WARS2: variants seen among roughly 807,000 people sequenced by gnomAD.
WARS2 encodes the protein tryptophan--tRNA ligase, mitochondrial.
Under a neutral mutation model 36.5 loss-of-function variants are expected in WARS2, and 28 were observed. The observed-to-expected ratio is 0.77, with a 90% CI of 0.57 to 1.05. WARS2 has a LOEUF of 1.05. Ranked by LOEUF, WARS2 falls within the 50% of genes least tolerant of loss-of-function variation. The probability of loss-of-function intolerance (pLI) is 0.00; values close to 1 mark genes in which losing one functional copy is unlikely to be tolerated. For synonymous variants in WARS2, 174 were observed against 178.4 expected (o/e 0.98, Z 0.20); for missense variants, 435 against 456.8 (o/e 0.95, Z 0.44).
chr1:119,044,301 G>C (rs945028869), intron 3 of WARS2, among the ~76,000 whole-genome samples: 2 of 152,158 alleles, frequency 1.3e-5, no homozygotes, highest in Non-Finnish European at 2.9e-5. Context: ...TATACTAGCA[G>C]GAGATCTTTA....
intron 2 of WARS2, among the ~76,000 whole-genome samples, chr1:119,049,657 T>C (rs1649170624): frequency 6.6e-6 from 1 of 152,226 alleles, no homozygotes; most frequent in Non-Finnish European, 1.5e-5. Context: ...AAATCTGCTC[T>C]ATCCACAGCT....
At chr1:119,036,017 C>A (rs964515981) in intron 4 of WARS2, among the ~76,000 whole-genome samples, 2 of 152,052 alleles carry the variant, frequency 1.3e-5, no homozygotes, top group Non-Finnish European at 2.9e-5. Flanking sequence ...CTAGCCTGAC[C>A]AACAAGGCGA....
intron 1 of WARS2, among the ~76,000 whole-genome samples, chr1:119,091,858 T>C (rs1389752563): frequency 3.9e-5 from 6 of 152,344 alleles, no homozygotes; most frequent in Admixed American, 2.0e-4. Context: ...TAGAAGCCGC[T>C]GTGCTGAGGA....
intron 1 of WARS2, among the ~76,000 whole-genome samples, chr1:119,097,003 G>T (rs1195964038): frequency 2.0e-5 from 3 of 152,090 alleles, no homozygotes; most frequent in African/African-American, 7.2e-5. Context: ...ACAGACTTTT[G>T]TTTTGCTGTT....
chr1:119,085,688 G>T (rs1571337579), intron 1 of WARS2: 1 of 1,435,710 alleles, frequency 7.0e-7, no homozygotes, highest in East Asian at 2.3e-5. Context: ...CCAGAATTGT[G>T]CTCCTCTGGT....
intron 5 of WARS2, 91 bp downstream of exon 5, chr1:119,034,004 G>T: frequency 9.1e-7 from 1 of 1,099,678 alleles, no homozygotes; most frequent in Non-Finnish European, 1.4e-6. Context: ...AGAAAGCTGA[G>T]GTTAGTCCCA....
chr1:119,115,394 T>A (rs1654897945), intron 1 of WARS2, among the ~76,000 whole-genome samples: 1 of 152,174 alleles, frequency 6.6e-6, no homozygotes, highest in South Asian at 2.1e-4. Flanking sequence ...ACTGAAAAAA[T>A]AAAACATATT....
intron 2 of WARS2, among the ~76,000 whole-genome samples, chr1:119,070,700 A>G (rs1315350839): frequency 3.3e-5 from 5 of 152,014 alleles, no homozygotes; most frequent in Non-Finnish European, 7.4e-5. Context: ...CTATCACTCC[A>G]CCACTGCACT....
intron 1 of WARS2, among the ~76,000 whole-genome samples, chr1:119,117,172 G>A (rs957445886): frequency 4.6e-5 from 7 of 152,210 alleles, no homozygotes; most frequent in Admixed American, 2.6e-4. Context: ...CCACTTGTCT[G>A]GTGACTTGTA....
At chr1:119,129,012 G>A (rs1655897100) in intron 1 of WARS2, among the ~76,000 whole-genome samples, 1 of 152,180 alleles carries the variant, frequency 6.6e-6, no homozygotes, top group Non-Finnish European at 1.5e-5. Context: ...TCATGTGGAT[G>A]CTGAAACACT....
intron 1 of WARS2, among the ~76,000 whole-genome samples, chr1:119,077,505 A>G (rs1473599531): frequency 6.6e-6 from 1 of 152,164 alleles, no homozygotes; most frequent in Non-Finnish European, 1.5e-5. Flanking sequence ...TTGGTGTATG[A>G]GATCTTGGGC....
chr1:119,078,418 A>G (rs893263543), intron 1 of WARS2, among the ~76,000 whole-genome samples: 1 of 152,178 alleles, frequency 6.6e-6, no homozygotes, highest in Non-Finnish European at 1.5e-5. Context: ...GTACTTCAAT[A>G]TAGTGAACTA....
chr1:119,112,658 A>G (rs1160256884), intron 1 of WARS2, among the ~76,000 whole-genome samples: 1 of 152,216 alleles, frequency 6.6e-6, no homozygotes, highest in African/African-American at 2.4e-5. Flanking sequence ...AAGTGAGAAC[A>G]TTATCTGTCT....
chr1:119,088,770 A>G (rs1652847452), intron 1 of WARS2, among the ~76,000 whole-genome samples: 1 of 152,226 alleles, frequency 6.6e-6, no homozygotes, highest in Non-Finnish European at 1.5e-5. Flanking sequence ...GGATTCAGAA[A>G]GCATATATAG....
At chr1:119,057,294 C>T (rs933766703) in intron 2 of WARS2, among the ~76,000 whole-genome samples, 3 of 151,830 alleles carry the variant, frequency 2.0e-5, no homozygotes. Flanking sequence ...TACAAGTGCA[C>T]ACCACCAAGC....
intron 1 of WARS2, among the ~76,000 whole-genome samples, chr1:119,095,737 C>G (rs1276855027): frequency 6.6e-6 from 1 of 152,138 alleles, no homozygotes; most frequent in Non-Finnish European, 1.5e-5. Flanking sequence ...AGCCAGTAGT[C>G]CAATATATTT....
intron 1 of WARS2, chr1:119,085,047 C>T (rs1315451958): frequency 5.8e-6 from 4 of 689,112 alleles, no homozygotes; most frequent in African/African-American, 1.8e-5. Flanking sequence ...CTCCCGGCAG[C>T]GCTGGGTCCT....
intron 1 of WARS2, among the ~76,000 whole-genome samples, chr1:119,090,705 C>T (rs587688957): frequency 9.2e-5 from 14 of 152,072 alleles, no homozygotes; most frequent in Non-Finnish European, 1.6e-4. Flanking sequence ...GATCCTGTCT[C>T]TACCAGAAAA....
chr1:119,045,086 A>T (rs1032803823), intron 3 of WARS2, among the ~76,000 whole-genome samples: 4 of 152,188 alleles, frequency 2.6e-5, no homozygotes. Flanking sequence ...TATCCAATTT[A>T]TCTTTCTTGG....
Sources: gnomAD v4.1 joint callset for allele counts (sites outside exome capture counted in the v4.1 genomes callset) on GRCh38, gnomAD v4.1.1 for gene constraint, MANE v1.5 for transcripts, NCBI Gene and HGNC (gene_info 2026-07-23, HGNC 2026-07-21) for gene names.